The following NRXN3 variants were observed in gnomAD, a reference collection of about 807,000 sequenced individuals.
The protein encoded by NRXN3 is neurexin III.
NRXN3 carries 32 observed loss-of-function variants against 137.6 expected under a neutral mutation model. The ratio of observed to expected loss-of-function variants is 0.23; its 90% CI spans 0.18 to 0.31. The LOEUF is 0.31. Ranked by LOEUF, NRXN3 falls within the 10% of genes least tolerant of loss-of-function variation. The pLI, the probability that NRXN3 is intolerant of heterozygous loss-of-function variation, is 1.00. For missense variants in NRXN3, 1,574 were observed against 2,062.5 expected (o/e 0.76, Z 4.59); for synonymous variants, 798 against 784.5 (o/e 1.02, Z -0.29).
At chr14:78,966,875 A>G (rs1256715108) in intron 12 of NRXN3, among the ~76,000 whole-genome samples, 1 of 152,182 alleles carries the variant, frequency 6.6e-6, no homozygotes, top group East Asian at 1.9e-4. Flanking sequence ...AAAACAAAAA[A>G]CCAAAACAAA....
chr14:78,605,839 C>T (rs2152452954), intron 4 of NRXN3, among the ~76,000 whole-genome samples: 1 of 152,198 alleles, frequency 6.6e-6, no homozygotes, highest in Non-Finnish European at 1.5e-5. Flanking sequence ...AATATTGGAA[C>T]CACTTTTTAA....
chr14:79,859,923 T>C (rs757609640), intron 20 of NRXN3, among the ~76,000 whole-genome samples: 4 of 152,332 alleles, frequency 2.6e-5, no homozygotes, highest in Admixed American at 2.0e-4. Flanking sequence ...ACATGGACTA[T>C]GACTTCTTAA....
intron 4 of NRXN3, among the ~76,000 whole-genome samples, chr14:78,377,532 A>G (rs1348500297): frequency 6.6e-6 from 1 of 152,258 alleles, no homozygotes; most frequent in East Asian, 1.9e-4. Flanking sequence ...GGATAAATGT[A>G]TGAGTCTGCT....
intron 15 of NRXN3, among the ~76,000 whole-genome samples, chr14:79,314,761 AC>A (rs2088080383): frequency 6.8e-6 from 1 of 147,096 alleles, no homozygotes. Flanking sequence ...CTGACCCCTG[AC>A]CCCCAAGCAG....
At chr14:78,707,184 C>A (rs2098360773) in intron 6 of NRXN3, among the ~76,000 whole-genome samples, 1 of 152,106 alleles carries the variant, frequency 6.6e-6, no homozygotes, top group South Asian at 2.1e-4. Flanking sequence ...TTCCTATGTT[C>A]CCAATTTCAG....
intron 18 of NRXN3, among the ~76,000 whole-genome samples, chr14:79,693,779 G>A (rs943569426): frequency 6.6e-6 from 1 of 151,734 alleles, no homozygotes; most frequent in Non-Finnish European, 1.5e-5. Flanking sequence ...GGGTTGGGAT[G>A]GGGGGAGGGG....
chr14:78,267,651 G>T (rs1008297733), intron 2 of NRXN3, among the ~76,000 whole-genome samples: 7 of 124,048 alleles, frequency 5.6e-5, no homozygotes, highest in African/African-American at 2.3e-4. Context: ...GTGACAACAA[G>T]ACACTGTCTC....
intron 1 of NRXN3, among the ~76,000 whole-genome samples, chr14:78,234,606 C>T (rs571297437): frequency 1.3e-5 from 2 of 152,290 alleles, no homozygotes; most frequent in Non-Finnish European, 2.9e-5. Flanking sequence ...CAGTCTTCTA[C>T]TTTGGACCCT....
At chr14:78,407,327 A>G (rs1277717903) in intron 4 of NRXN3, among the ~76,000 whole-genome samples, 1 of 152,144 alleles carries the variant, frequency 6.6e-6, no homozygotes. Flanking sequence ...TTGACTTTGT[A>G]TAAGCTTCTT....
At chr14:78,481,036 A>G (rs990193317) in intron 4 of NRXN3, among the ~76,000 whole-genome samples, 1 of 152,168 alleles carries the variant, frequency 6.6e-6, no homozygotes, top group Non-Finnish European at 1.5e-5. Flanking sequence ...TTGCCAATCC[A>G]TATTTCTCTC....
intron 4 of NRXN3, among the ~76,000 whole-genome samples, chr14:78,379,784 A>T (rs1383736007): frequency 2.6e-5 from 4 of 152,244 alleles, no homozygotes; most frequent in Non-Finnish European, 5.9e-5. Flanking sequence ...AATAAAAGGC[A>T]TATAAGTTGG....
chr14:79,208,597 A>G (rs2067150909), intron 15 of NRXN3, among the ~76,000 whole-genome samples: 1 of 152,202 alleles, frequency 6.6e-6, no homozygotes, highest in Admixed American at 6.6e-5. Context: ...AGCAACTGAC[A>G]TTCAGTGAGC....
chr14:79,395,136 T>A (rs2094976858), intron 15 of NRXN3, among the ~76,000 whole-genome samples: 1 of 152,188 alleles, frequency 6.6e-6, no homozygotes, highest in Admixed American at 6.5e-5. Flanking sequence ...TTGTGCTAAT[T>A]GCTGTGGGAA....
intron 15 of NRXN3, among the ~76,000 whole-genome samples, chr14:79,324,615 G>A (rs74819328): frequency 0.074 from 11,226 of 152,250 alleles, 567 homozygotes; most frequent in Non-Finnish European, 0.11. Flanking sequence ...CCAGGGATGC[G>A]TGGGCAGGTA....
intron 16 of NRXN3, among the ~76,000 whole-genome samples, chr14:79,503,523 A>T (rs1408358749): frequency 1.3e-5 from 2 of 151,994 alleles, no homozygotes; most frequent in African/African-American, 4.8e-5. Context: ...TTTCTGCTTT[A>T]CCTGACACAT....
chr14:78,479,246 T>TG (rs773240090), intron 4 of NRXN3, among the ~76,000 whole-genome samples: 30 of 152,330 alleles, frequency 2.0e-4, no homozygotes, highest in African/African-American at 3.1e-4. Context: ...GCCTGGGCAT[T>TG]GGGGTTTCTA....
intron 15 of NRXN3, among the ~76,000 whole-genome samples, chr14:79,426,807 G>A (rs903859190): frequency 2.6e-5 from 4 of 152,128 alleles, no homozygotes; most frequent in Admixed American, 6.5e-5. Context: ...ACATAGATAC[G>A]ACATTGGAAT....
chr14:78,518,903 C>T (rs2096249201), intron 4 of NRXN3, among the ~76,000 whole-genome samples: 1 of 151,926 alleles, frequency 6.6e-6, no homozygotes, highest in African/African-American at 2.4e-5. Context: ...TGGATTTCCT[C>T]TCTGTGATAT....
At chr14:79,078,064 T>C (rs574519142) in intron 15 of NRXN3, among the ~76,000 whole-genome samples, 1 of 152,290 alleles carries the variant, frequency 6.6e-6, no homozygotes, top group South Asian at 2.1e-4. Flanking sequence ...AATGGCAAGA[T>C]AATGAGTCTA....
Sources: allele counts gnomAD v4.1 joint callset (sites outside exome capture counted in the v4.1 genomes callset), GRCh38; gene constraint gnomAD v4.1.1; transcripts MANE v1.5; gene names NCBI Gene and HGNC (gene_info 2026-07-23, HGNC 2026-07-21).